Variants in NPFFR2 observed in about 807,000 individuals in gnomAD.
NPFFR2 encodes the protein G-protein coupled receptor 74.
NPFFR2 carries 15 observed loss-of-function variants against 13.1 expected under a neutral mutation model. The ratio of observed to expected loss-of-function variants is 1.15; its 90% confidence interval spans 0.77 to 1.76. The LOEUF (loss-of-function observed/expected upper bound fraction) is 1.76. Among genes scored for constraint, NPFFR2 ranks in the 40% most tolerant of loss-of-function variants. NPFFR2 has a pLI of 0.00. For missense variants in NPFFR2, 572 were observed against 503.5 expected (o/e 1.14, Z -1.30); for synonymous variants, 190 against 175.7 (o/e 1.08, Z -0.65).
intron 1 of NPFFR2, among the ~76,000 whole-genome samples, chr4:72,126,635 A>G (rs1424652418): frequency 1.3e-5 from 2 of 152,254 alleles, no homozygotes; most frequent in Admixed American, 6.5e-5. Context: ...TTTATGCTGA[A>G]TATCTACTTT....
At chr4:72,117,950 A>C (rs1458707908) in intron 1 of NPFFR2, among the ~76,000 whole-genome samples, 1 of 152,204 alleles carries the variant, frequency 6.6e-6, no homozygotes, top group Non-Finnish European at 1.5e-5. Context: ...TAAGGTAACA[A>C]AAAAGTAACC....
At chr4:72,038,391 AGAGTC>A (rs1719098101) in intron 1 of NPFFR2, among the ~76,000 whole-genome samples, 1 of 152,182 alleles carries the variant, frequency 6.6e-6, no homozygotes, top group Admixed American at 6.5e-5. Context: ...TGCCTAGAAC[AGAGTC>A]TAGTGCATAG....
chr4:72,038,964 G>A (rs1445046175), intron 1 of NPFFR2, among the ~76,000 whole-genome samples: 3 of 133,992 alleles, frequency 2.2e-5, no homozygotes, highest in Non-Finnish European at 4.6e-5. Context: ...GAGTGCAGTG[G>A]CGCAATCTCG....
At chr4:72,093,822 T>G (rs1178557310) in intron 1 of NPFFR2, among the ~76,000 whole-genome samples, 2 of 143,652 alleles carry the variant, frequency 1.4e-5, no homozygotes, top group African/African-American at 5.4e-5. Context: ...TCTGAATTCT[T>G]TTTTTTTTTT....
intron 1 of NPFFR2, among the ~76,000 whole-genome samples, chr4:72,068,759 G>A (rs1001557155): frequency 8.6e-5 from 13 of 151,690 alleles, no homozygotes; most frequent in African/African-American, 1.9e-4. Flanking sequence ...AGGTGAGACC[G>A]CATAGAATAA....
At chr4:72,072,962 T>G (rs2109785614) in intron 1 of NPFFR2, among the ~76,000 whole-genome samples, 1 of 152,190 alleles carries the variant, frequency 6.6e-6, no homozygotes, top group East Asian at 1.9e-4. Context: ...AGGTCCCTAT[T>G]TATCAGTAAT....
At chr4:72,136,134 T>A (rs984359165) in intron 2 of NPFFR2, among the ~76,000 whole-genome samples, 1 of 151,986 alleles carries the variant, frequency 6.6e-6, no homozygotes, top group East Asian at 1.9e-4. Context: ...GATGAGAGGA[T>A]TACTTGAGCC....
intron 1 of NPFFR2, among the ~76,000 whole-genome samples, chr4:72,119,292 G>C (rs1721800253): frequency 6.6e-6 from 1 of 152,162 alleles, no homozygotes; most frequent in Non-Finnish European, 1.5e-5. Flanking sequence ...TCCTGTCAAA[G>C]GGATGAGGAG....
At chr4:72,062,387 TAAAAC>T (rs1392996760) in intron 1 of NPFFR2, among the ~76,000 whole-genome samples, 7 of 152,274 alleles carry the variant, frequency 4.6e-5, no homozygotes, top group Admixed American at 3.3e-4. Flanking sequence ...TATAAAGTAA[TAAAAC>T]AAAATCTTCC....
At chr4:72,120,127 G>A (rs1721826688) in intron 1 of NPFFR2, among the ~76,000 whole-genome samples, 1 of 152,136 alleles carries the variant, frequency 6.6e-6, no homozygotes, top group South Asian at 2.1e-4. Context: ...GGCTTGAGTA[G>A]GCAGTTTTCC....
chr4:72,065,622 A>G (rs1720045097), intron 1 of NPFFR2, among the ~76,000 whole-genome samples: 1 of 152,200 alleles, frequency 6.6e-6, no homozygotes, highest in Non-Finnish European at 1.5e-5. Flanking sequence ...ACTCTCTTTC[A>G]GCCAAAGTGG....
chr4:72,108,708 G>A (rs752580644), intron 1 of NPFFR2, among the ~76,000 whole-genome samples: 28 of 151,796 alleles, frequency 1.8e-4, no homozygotes, highest in Non-Finnish European at 3.8e-4. Flanking sequence ...ACCTAATAGG[G>A]ACTATGAATA....
At chr4:72,137,799 A>G (rs1176009583) in intron 2 of NPFFR2, among the ~76,000 whole-genome samples, 1 of 152,214 alleles carries the variant, frequency 6.6e-6, no homozygotes, top group Non-Finnish European at 1.5e-5. Context: ...ATGTTAATAG[A>G]CAGAGACCAC....
chr4:72,124,486 A>C (rs1721977629), intron 1 of NPFFR2, among the ~76,000 whole-genome samples: 1 of 149,728 alleles, frequency 6.7e-6, no homozygotes, highest in Non-Finnish European at 1.5e-5. Context: ...AGGCTACCTG[A>C]CTTCAAACTG....
chr4:72,111,026 T>C (rs1721552369), intron 1 of NPFFR2, among the ~76,000 whole-genome samples: 1 of 152,010 alleles, frequency 6.6e-6, no homozygotes, highest in Non-Finnish European at 1.5e-5. Flanking sequence ...CTGTAAGCGA[T>C]AATTTTTTAT....
intron 1 of NPFFR2, among the ~76,000 whole-genome samples, chr4:72,127,781 T>TA (rs1032757831): frequency 2.0e-5 from 3 of 151,916 alleles, no homozygotes; most frequent in Non-Finnish European, 4.4e-5. Flanking sequence ...TACAGAAATA[T>TA]AAAAAAATAA....
At chr4:72,060,147 A>C (rs544940964) in intron 1 of NPFFR2, among the ~76,000 whole-genome samples, 1 of 152,106 alleles carries the variant, frequency 6.6e-6, no homozygotes, top group Admixed American at 6.6e-5. Flanking sequence ...CAGATGTCCA[A>C]TCTTTATTCC....
At chr4:72,063,994 T>G (rs1324418164) in intron 1 of NPFFR2, among the ~76,000 whole-genome samples, 1 of 152,128 alleles carries the variant, frequency 6.6e-6, no homozygotes, top group African/African-American at 2.4e-5. Context: ...GAAAAAAGGA[T>G]GACAGTAATA....
rs562612460 is a variant in NPFFR2 at position 72,095,090 on chromosome 4, C to T, written c.-7-33495C>T. Among the ~76,000 whole-genome samples the T allele has an allele frequency of 2.4e-3, 372 of 152,064 alleles. 1 individual carries two copies. Among genetic ancestry groups the T allele is most frequent in the Non-Finnish European group, 3.5e-3 (241 of 67,972 alleles). On this transcript the variant is annotated intron_variant, in intron 1 of 3. Transcript: ENST00000308744. Reference sequence around the variant, plus strand: ...TCTTCCAAGGCTTTTTCATTGTTTTCGTTAATGAATTTTTTTTGAAAAAAG... The same window carrying T: ...TCTTCCAAGGCTTTTTCATTGTTTTTGTTAATGAATTTTTTTTGAAAAAAG...
Sources: allele counts gnomAD v4.1 joint callset (sites outside exome capture counted in the v4.1 genomes callset), GRCh38; gene constraint gnomAD v4.1.1; transcripts MANE v1.5; gene names NCBI Gene and HGNC (gene_info 2026-07-23, HGNC 2026-07-21).